Variants in POU6F2 observed in about 807,000 individuals in gnomAD.
POU6F2 encodes the protein POU domain, class 6, transcription factor 2.
Under a neutral mutation model 71.3 loss-of-function variants are expected in POU6F2, and 31 were observed. The ratio of observed to expected loss-of-function variants is 0.43; its 90% CI spans 0.33 to 0.59. The LOEUF (loss-of-function observed/expected upper bound fraction) is 0.59. Among genes scored for constraint, POU6F2 ranks in the 20% least tolerant of loss-of-function variants. The probability of loss-of-function intolerance (pLI) is 0.04; values close to 1 mark genes in which losing one functional copy is unlikely to be tolerated. For synonymous variants in POU6F2, 347 were observed against 355.7 expected, an observed-to-expected ratio of 0.98 and a Z score of 0.27; for missense variants, 783 against 856.8, an observed-to-expected ratio of 0.91 and a Z score of 1.07.
Position 39,451,683 on chromosome 7 carries a change from G to A in POU6F2, c.1471G>A (p.Val491Met), listed in dbSNP as rs372667357. 111 of 1,598,532 alleles carry A rather than the reference G, an allele frequency of 6.9e-5. No homozygotes were observed. Among genetic ancestry groups the A allele is most frequent in the Non-Finnish European group, 8.4e-5 (98 of 1,172,384 alleles). ...SSSSSSSALSVGQLVSNPQTA... is the reference protein window; with the variant it reads ...SSSSSSSALSMGQLVSNPQTA... ...ATCCTCCTCTTCTTCAGCTTTGAGC[G>A]TGGGCCAGTTAGTCAGCAGTAAGTA... Residue 491 changes from valine (V) to methionine (M), a missense_variant, in exon 8 of 10, where the codon GTG becomes ATG. Physicochemically the swap from Val to Met is conservative, Grantham distance 21 (BLOSUM62 1). This residue lies in a region of POU6F2 where 572 missense variants were observed against 572.9 expected (regional missense o/e 1.00). Transcript: ENST00000518318.
At chr7:39,347,655 A>G (rs1192251744) in intron 5 of POU6F2, among the ~76,000 whole-genome samples, 1 of 151,554 alleles carries the variant, frequency 6.6e-6, no homozygotes, top group East Asian at 1.9e-4. Flanking sequence ...ATTATTTGAG[A>G]AAGAATCTCA....
chr7:39,326,767 G>C (rs1785511238), intron 4 of POU6F2, among the ~76,000 whole-genome samples: 1 of 152,152 alleles, frequency 6.6e-6, no homozygotes, highest in East Asian at 1.9e-4. Context: ...TCGAGGAGCA[G>C]AATTTTCATA....
intron 7 of POU6F2, among the ~76,000 whole-genome samples, chr7:39,438,583 A>G (rs563089832): frequency 6.6e-6 from 1 of 152,356 alleles, no homozygotes; most frequent in Non-Finnish European, 1.5e-5. Flanking sequence ...ATGTGGAGAA[A>G]TAGAAACACT....
At chr7:39,044,621 T>C (rs1790253186) in intron 1 of POU6F2, among the ~76,000 whole-genome samples, 1 of 151,964 alleles carries the variant, frequency 6.6e-6, no homozygotes, top group Non-Finnish European at 1.5e-5. Context: ...GACTGACCAA[T>C]ACTGTGATGG....
chr7:39,127,430 G>T (rs1792162661), intron 2 of POU6F2, among the ~76,000 whole-genome samples: 1 of 152,130 alleles, frequency 6.6e-6, no homozygotes, highest in African/African-American at 2.4e-5. Context: ...CATGTACTAG[G>T]CACTGGAGTA....
At chr7:38,984,161 A>T (rs1221656454) in intron 1 of POU6F2, 1 of 152,082 alleles carries the variant, frequency 6.6e-6, no homozygotes, top group African/African-American at 2.4e-5. Flanking sequence ...TTCCCATGGG[A>T]AAAAGTACCC....
intron 6 of POU6F2, among the ~76,000 whole-genome samples, chr7:39,422,069 G>C (rs1787862462): frequency 6.6e-6 from 1 of 152,186 alleles, no homozygotes; most frequent in Non-Finnish European, 1.5e-5. Flanking sequence ...TCAGCAATTT[G>C]ACAGTGTTGG....
At chr7:39,261,554 G>C (rs549600979) in intron 4 of POU6F2, among the ~76,000 whole-genome samples, 1 of 152,128 alleles carries the variant, frequency 6.6e-6, no homozygotes, top group South Asian at 2.1e-4. Flanking sequence ...GGTAGGAACC[G>C]TTATCAACCC....
At chr7:39,250,765 G>A (rs1047118174) in intron 4 of POU6F2, among the ~76,000 whole-genome samples, 2 of 152,086 alleles carry the variant, frequency 1.3e-5, no homozygotes. Context: ...ATGATATGAA[G>A]GATTCTCAAG....
At chr7:39,171,299 T>C (rs1165510658) in intron 2 of POU6F2, among the ~76,000 whole-genome samples, 1 of 152,122 alleles carries the variant, frequency 6.6e-6, no homozygotes, top group Non-Finnish European at 1.5e-5. Flanking sequence ...CTGTAAGTTC[T>C]GCTATAAAAT....
At chr7:39,205,876 C>G (rs10237217) in intron 3 of POU6F2, among the ~76,000 whole-genome samples, 1,811 of 152,240 alleles carry the variant, frequency 0.012, 42 homozygotes, top group African/African-American at 0.042. Flanking sequence ...CTCTCCACAC[C>G]TCCCCTCATT....
At chr7:39,405,640 T>G (rs1212255166) in intron 5 of POU6F2, among the ~76,000 whole-genome samples, 1 of 152,210 alleles carries the variant, frequency 6.6e-6, no homozygotes, top group Non-Finnish European at 1.5e-5. Context: ...GTGAAAATAG[T>G]TTAAATGTTT....
At chr7:39,345,827 T>C (rs143593413) in intron 5 of POU6F2, among the ~76,000 whole-genome samples, 1 of 152,186 alleles carries the variant, frequency 6.6e-6, no homozygotes, top group East Asian at 1.9e-4. Context: ...AAATATAACA[T>C]ACTGATGAGA....
intron 1 of POU6F2, among the ~76,000 whole-genome samples, chr7:39,003,851 T>C (rs1788983640): frequency 6.6e-6 from 1 of 152,102 alleles, no homozygotes; most frequent in Non-Finnish European, 1.5e-5. Flanking sequence ...GCTTATGATA[T>C]AATGTGTAAT....
intron 2 of POU6F2, among the ~76,000 whole-genome samples, chr7:39,108,588 C>G (rs1791741107): frequency 6.6e-6 from 1 of 152,114 alleles, no homozygotes; most frequent in Non-Finnish European, 1.5e-5. Flanking sequence ...TGTGTACACC[C>G]AGGGAATATT....
intron 1 of POU6F2, among the ~76,000 whole-genome samples, chr7:39,030,792 G>A (rs961976341): frequency 5.3e-5 from 8 of 151,412 alleles, no homozygotes; most frequent in African/African-American, 1.9e-4. Flanking sequence ...TTCCCAAAGG[G>A]ACTGTACCAT....
intron 4 of POU6F2, among the ~76,000 whole-genome samples, chr7:39,234,356 C>T (rs1794633313): frequency 6.6e-6 from 1 of 152,168 alleles, no homozygotes; most frequent in South Asian, 2.1e-4. Context: ...CTCCCCAACC[C>T]TGTCCCAGAG....
At chr7:39,286,758 T>TGTC (rs1784657779) in intron 4 of POU6F2, among the ~76,000 whole-genome samples, 1 of 151,994 alleles carries the variant, frequency 6.6e-6, no homozygotes, top group African/African-American at 2.4e-5. Context: ...TCATCATCAT[T>TGTC]GTCATCATCA....
At chr7:39,080,653 C>A (rs1265833159) in intron 1 of POU6F2, among the ~76,000 whole-genome samples, 1 of 152,086 alleles carries the variant, frequency 6.6e-6, no homozygotes, top group Non-Finnish European at 1.5e-5. Context: ...ATTTTTGAAG[C>A]CTGCCTGTGT....
Sources: gnomAD v4.1 joint callset for allele counts (sites outside exome capture counted in the v4.1 genomes callset) on GRCh38, gnomAD v4.1.1 for gene constraint, gnomAD v4.1.1 regional missense constraint, MANE v1.5 for transcripts, NCBI Gene and HGNC (gene_info 2026-07-23, HGNC 2026-07-21) for gene names.